Variants in MED13L observed in about 807,000 individuals in gnomAD.
MED13L encodes the protein mediator complex subunit 13L.
A neutral mutation model predicts 220.9 loss-of-function variants in MED13L; 7 were observed. The ratio of observed to expected loss-of-function variants is 0.03; its 90% CI spans 0.02 to 0.06. The LOEUF (loss-of-function observed/expected upper bound fraction) is 0.06, where lower values mean the gene tolerates loss of function less well. Among genes scored for constraint, MED13L ranks in the 10% least tolerant of loss-of-function variants. MED13L has a pLI of 1.00. For missense variants in MED13L, 1,965 were observed against 2,760.5 expected, an observed-to-expected ratio of 0.71 and a Z score of 6.46; for synonymous variants, 1,011 against 1,015.2, an observed-to-expected ratio of 1.00 and a Z score of 0.08.
intron 19 of MED13L, among the ~76,000 whole-genome samples, chr12:115,984,776 A>T (rs1362782866): frequency 2.0e-5 from 3 of 152,180 alleles, no homozygotes; most frequent in Non-Finnish European, 2.9e-5. Context: ...CCATAAGATA[A>T]CATTAAAATT....
chr12:116,165,907 T>G (rs1365658385), intron 2 of MED13L, among the ~76,000 whole-genome samples: 4 of 152,316 alleles, frequency 2.6e-5, no homozygotes, highest in Non-Finnish European at 1.5e-5. Flanking sequence ...TCAGGTATTC[T>G]CTCCACTACA....
intron 2 of MED13L, among the ~76,000 whole-genome samples, chr12:116,196,797 A>C (rs768359274): frequency 1.3e-5 from 2 of 152,216 alleles, no homozygotes; most frequent in Non-Finnish European, 2.9e-5. Flanking sequence ...GGTTTTATCT[A>C]AACTAGTTAA....
intron 3 of MED13L, among the ~76,000 whole-genome samples, chr12:116,106,195 T>A (rs188084935): frequency 6.6e-6 from 1 of 152,332 alleles, no homozygotes; most frequent in Admixed American, 6.5e-5. Context: ...GACTGAATAC[T>A]TCATAAAACA....
intron 2 of MED13L, among the ~76,000 whole-genome samples, chr12:116,178,801 C>A (rs532848194): frequency 3.9e-5 from 6 of 152,126 alleles, no homozygotes; most frequent in African/African-American, 1.4e-4. Flanking sequence ...AATATTCATT[C>A]GCTTCTAAAA....
intron 2 of MED13L, among the ~76,000 whole-genome samples, chr12:116,222,425 T>A (rs2138397598): frequency 6.6e-6 from 1 of 152,328 alleles, no homozygotes; most frequent in African/African-American, 2.4e-5. Flanking sequence ...CCGGCCTCTG[T>A]TCCATTTTGG....
At chr12:115,985,612 A>C (rs1260822645) in intron 19 of MED13L, among the ~76,000 whole-genome samples, 1 of 152,236 alleles carries the variant, frequency 6.6e-6, no homozygotes, top group Admixed American at 6.5e-5. Flanking sequence ...ATACTTTGGC[A>C]TAAGAAATGT....
intron 4 of MED13L, among the ~76,000 whole-genome samples, chr12:116,062,418 T>C (rs1225812096): frequency 6.6e-6 from 1 of 151,946 alleles, no homozygotes; most frequent in Non-Finnish European, 1.5e-5. Flanking sequence ...CCTCCCTCTA[T>C]TGGTTTTCTA....
chr12:116,008,478 C>T lies in MED13L; in HGVS notation c.1935G>A (p.Glu645=), dbSNP rs1249348103. 3.1e-6 allele frequency: 5 copies of T among 1,613,668 alleles called. No individual in the cohort carries two copies. The South Asian group carries it at 5.5e-5, about 18-fold the overall frequency. The change falls in exon 10 of 31, where the codon GAG becomes GAA. Residue 645 remains glutamate (E), a synonymous_variant. Transcript: ENST00000281928. ...CACCCTGGAGCTCTGGAGGCCTGAA[C>T]TCAGCATCATCACTGGGTGGGAGAC... ...SYRLPPSDDA[E]FRPPELQGER...
intron 4 of MED13L, among the ~76,000 whole-genome samples, chr12:116,051,014 A>C (rs575382468): frequency 9.9e-5 from 15 of 152,168 alleles, no homozygotes; most frequent in Non-Finnish European, 1.6e-4. Flanking sequence ...ATTTAACAAC[A>C]TATCTTTAAA....
intron 1 of MED13L, among the ~76,000 whole-genome samples, chr12:116,252,804 G>GT (rs765220039): frequency 2.6e-5 from 4 of 151,498 alleles, no homozygotes; most frequent in East Asian, 1.9e-4. Context: ...CCAATATCAG[G>GT]AAAAAAAAGG....
At chr12:116,083,420 A>C (rs1315355438) in intron 4 of MED13L, among the ~76,000 whole-genome samples, 2 of 151,392 alleles carry the variant, frequency 1.3e-5, no homozygotes, top group East Asian at 1.9e-4. Flanking sequence ...AAAAAAAAAA[A>C]AAAAAAACAC....
intron 22 of MED13L, 128 bp from the exon 23 acceptor site, chr12:115,981,066 G>A (rs1877295425): frequency 4.1e-6 from 3 of 725,298 alleles, no homozygotes; most frequent in South Asian, 3.3e-5. Context: ...GGTAACCTCA[G>A]CCTTAAAATA....
At chr12:116,124,541 T>A (rs1875415000) in intron 2 of MED13L, among the ~76,000 whole-genome samples, 1 of 152,146 alleles carries the variant, frequency 6.6e-6, no homozygotes. Context: ...TAGATAATAA[T>A]TTGTTTTCCT....
At chr12:116,077,037 T>C (rs1335931654) in intron 4 of MED13L, among the ~76,000 whole-genome samples, 2 of 147,516 alleles carry the variant, frequency 1.4e-5, no homozygotes, top group Non-Finnish European at 3.0e-5. Flanking sequence ...GTGACATGTG[T>C]CTGTCTTACT....
chr12:116,021,940 T>C (rs1485249188), intron 5 of MED13L, among the ~76,000 whole-genome samples: 1 of 152,164 alleles, frequency 6.6e-6, no homozygotes, highest in Non-Finnish European at 1.5e-5. Context: ...TACAGCTAAA[T>C]ACCTATTACC....
At chr12:116,092,691 A>T (rs1593034886) in intron 4 of MED13L, among the ~76,000 whole-genome samples, 1 of 152,344 alleles carries the variant, frequency 6.6e-6, no homozygotes, top group East Asian at 1.9e-4. Context: ...AAGAAGTTTT[A>T]AAAAGTCTGA....
intron 4 of MED13L, among the ~76,000 whole-genome samples, chr12:116,026,353 T>C (rs553304762): frequency 6.6e-6 from 1 of 152,326 alleles, no homozygotes; most frequent in Non-Finnish European, 1.5e-5. Context: ...ATCTTTTATA[T>C]TGATAACTTA....
At chr12:115,999,181 G>A (rs1878590224) in intron 14 of MED13L, among the ~76,000 whole-genome samples, 1 of 152,176 alleles carries the variant, frequency 6.6e-6, no homozygotes, top group Non-Finnish European at 1.5e-5. Flanking sequence ...AGGAGGCCAA[G>A]GCAGGCAGAT....
chr12:116,008,557 C>A lies in MED13L; in HGVS notation c.1856G>T (p.Cys619Phe). 6.2e-7 allele frequency: 1 copy of A among 1,614,000 alleles called. No homozygotes were observed. Among genetic ancestry groups the A allele is most frequent in the Non-Finnish European group, 8.5e-7 (1 of 1,179,982 alleles). ...CTCCGGGTTCGAGGGCCTAATCCCA[C>A]AATATAAGGCTGTCTCGCTGACCTC... The part of the protein sequence containing the change: ...MAEVSETALY[C>F]GIRPSNPESS... Residue 619 changes from cysteine (C) to phenylalanine (F), a missense_variant, in exon 10 of 31, where the codon TGT becomes TTT. Transcript: ENST00000281928.
Sources: gnomAD v4.1 joint callset for allele counts (sites outside exome capture counted in the v4.1 genomes callset) on GRCh38, gnomAD v4.1.1 for gene constraint, MANE v1.5 for transcripts, NCBI Gene and HGNC (gene_info 2026-07-23, HGNC 2026-07-21) for gene names.